The following CANX variants were observed in gnomAD, a reference collection of about 807,000 sequenced individuals.
The protein encoded by CANX is epididymis secretory sperm binding protein.
A neutral mutation model predicts 75.7 loss-of-function variants in CANX; 14 were observed. The observed-to-expected ratio is 0.19, with a 90% CI of 0.12 to 0.29. The LOEUF (loss-of-function observed/expected upper bound fraction) is 0.29. Ranked by LOEUF, CANX falls within the 10% of genes least tolerant of loss-of-function variation. The pLI is 1.00. For synonymous variants in CANX, 227 were observed against 236.9 expected (o/e 0.96, Z 0.38); for missense variants, 567 against 713.2 (o/e 0.79, Z 2.34).
At chr5:179,698,892 C>CT, upstream of CANX, 1 of 1,152,252 alleles carries the variant, frequency 8.7e-7, no homozygotes, top group East Asian at 7.3e-5. Context: ...CGGGACTTGG[C>CT]GCCGGCTGTG....
intron 1 of CANX, chr5:179,679,365 G>T (rs1468584371): frequency 4.7e-6 from 5 of 1,062,668 alleles, no homozygotes; most frequent in Admixed American, 2.9e-5. Context: ...TACGGCTGCG[G>T]CTGTGTCTCA....
At position 179,691,660 on chromosome 5, in the gene CANX, G is replaced by C. The variant is rs78700978; in HGVS notation, c.-4+12883G>C. 2.9e-3 allele frequency among the ~76,000 whole-genome samples: 443 copies of C among 152,274 alleles called. 6 individuals carry two copies. Among genetic ancestry groups the C allele is most frequent in the African/African-American group, 0.01 (426 of 41,562 alleles). ...AGCCACTACACTGCAATCCCAGCTC[G>C]GGATAGCATGAGGCGAGGCAGTACT... On this transcript the variant is annotated intron_variant, in intron 1 of 14. Transcript: ENST00000681674.
Position 179,709,052 on chromosome 5 carries a change from T to G in CANX, c.521T>G (p.Leu174Arg), listed in dbSNP as rs143726426. 1.9e-6 allele frequency: 3 copies of G among 1,568,190 alleles called. No homozygotes were observed. In the African/African-American group the frequency reaches 4.1e-5, roughly 21 times the overall value. Residue 174 changes from leucine to arginine, a missense_variant, in exon 6 of 15, where the codon CTC becomes CGC. This residue lies in a region of CANX where 351 missense variants were observed against 433.8 expected (regional missense o/e 0.81). Coordinates refer to ENST00000247461, the MANE Select transcript of CANX (RefSeq NM_001746.4). ...AAACTGCTTTCTAAAACACCAGAAC[T>G]CAACCTGGTATGTAATTCCCATTTC... ...YVKLLSKTPE[L>R]NLDQFHDKTP...
chr5:179,694,116 C>T (rs1281262105), upstream of CANX: 1 of 170,680 alleles, frequency 5.9e-6, no homozygotes, highest in African/African-American at 2.7e-5. Flanking sequence ...TGCACTCCAG[C>T]CTGGGCAACA....
intron 14 of CANX, 92 bp downstream of exon 14, chr5:179,726,851 A>G (rs1778707229): frequency 7.7e-6 from 7 of 913,744 alleles, no homozygotes; most frequent in African/African-American, 1.7e-5. Flanking sequence ...ACAGTGGCTT[A>G]TGGCAGTAAA....
At chr5:179,710,305 C>T (rs1030708919) in intron 7 of CANX, among the ~76,000 whole-genome samples, 5 of 151,334 alleles carry the variant, frequency 3.3e-5, no homozygotes, top group Non-Finnish European at 5.9e-5. Context: ...CGCCTGTAAC[C>T]GAAGCTAGTT....
chr5:179,726,719 C>T lies in CANX; in HGVS notation c.1685C>T (p.Thr562Ile), dbSNP rs760563367. ...QKSDAEEDGG[T>I]VSQEEEDRKP... ...AGTGATGCTGAAGAAGATGGTGGCA[C>T]TGTCAGTCAAGAGGAGGAAGACAGA... Residue 562 changes from threonine (T) to isoleucine (I), a missense_variant, in exon 14 of 15, where the codon ACT (threonine) becomes ATT (isoleucine). Physicochemically the swap from Thr to Ile is moderately conservative, Grantham distance 89. Around this residue, in one of 3 missense-constraint regions of CANX, gnomAD observed 167 missense variants for 179.3 expected, o/e 0.93. Coordinates refer to ENST00000247461, the MANE Select transcript of CANX (RefSeq NM_001746.4). The T allele has an allele frequency of 9.3e-6, 15 of 1,613,642 alleles. No homozygotes were observed.
chr5:179,719,685 C>G lies in CANX; in HGVS notation c.929C>G (p.Ala310Gly), dbSNP rs1438518619. 1 of 1,609,652 alleles carries G rather than the reference C, an allele frequency of 6.2e-7. No individual in the cohort carries two copies. The change falls in exon 9 of 15, where the codon GCT becomes GGT. Residue 310 changes from alanine to glycine, a missense_variant. Ala to Gly is a moderately conservative substitution (Grantham distance 60, BLOSUM62 0). Transcript: ENST00000247461. ...TATTTAAGGGATGAAGATGCCCCTGCTAAGATTCCAGATGAAGAGGCCACA... is the reference window on the plus strand; with the variant it reads ...TATTTAAGGGATGAAGATGCCCCTGGTAAGATTCCAGATGAAGAGGCCACA... ...KPDDWDEDAP[A>G]KIPDEEATKP... is the part of the protein sequence containing the mutation.
chr5:179,696,110 G>A (rs1776395848), upstream of CANX, among the ~76,000 whole-genome samples: 1 of 151,558 alleles, frequency 6.6e-6, no homozygotes, highest in Non-Finnish European at 1.5e-5. Flanking sequence ...TGTAGAGATG[G>A]GGTCTTGTCA....
intron 1 of CANX, among the ~76,000 whole-genome samples, chr5:179,688,127 G>A (rs1305032610): frequency 2.0e-5 from 3 of 149,118 alleles, no homozygotes; most frequent in Admixed American, 6.7e-5. Context: ...GCACGATCTC[G>A]GCTCACTGCA....
intron 1 of CANX, among the ~76,000 whole-genome samples, chr5:179,680,340 C>T (rs1269279951): frequency 6.6e-6 from 1 of 152,104 alleles, no homozygotes; most frequent in East Asian, 1.9e-4. Context: ...TCTAGCATAG[C>T]CAACAGCATT....
At chr5:179,681,944 T>TAAA (rs58981244) in intron 1 of CANX, among the ~76,000 whole-genome samples, 1 of 125,360 alleles carries the variant, frequency 8.0e-6, no homozygotes, top group African/African-American at 3.1e-5. Context: ...ACCCTGTGTT[T>TAAA]AAAAAAAAAA....
intron 4 of CANX, 71 bp from the exon 5 acceptor site, chr5:179,708,168 G>T (rs559448398): frequency 2.3e-6 from 3 of 1,311,418 alleles, no homozygotes; most frequent in Non-Finnish European, 3.3e-6. Flanking sequence ...ACTAGGAGGT[G>T]TTTTTTTTGG....
chr5:179,692,810 G>A (rs1776320654), intron 1 of CANX, among the ~76,000 whole-genome samples: 1 of 152,138 alleles, frequency 6.6e-6, no homozygotes, highest in South Asian at 2.1e-4. Flanking sequence ...GCCATCGCAT[G>A]AGCACATAGT....
chr5:179,679,163 C>A (rs1261689542), intron 1 of CANX: 5 of 1,535,280 alleles, frequency 3.3e-6, no homozygotes, highest in Non-Finnish European at 4.4e-6. Context: ...GTAGGGCACG[C>A]AGGTGCTCGA....
chr5:179,688,749 G>A (rs191014251), intron 1 of CANX, among the ~76,000 whole-genome samples: 359 of 151,878 alleles, frequency 2.4e-3, no homozygotes, highest in Admixed American at 4.1e-3. Context: ...GGGAGGCTGA[G>A]GCAGGTGGAT....
chr5:179,678,862 C>T, intron 1 of CANX: 3 of 1,536,496 alleles, frequency 2.0e-6, no homozygotes, highest in Non-Finnish European at 1.7e-6. Context: ...AGAGCAGCGG[C>T]GACCGCGTCC....
At chr5:179,701,733 G>T (rs1581839679) in intron 1 of CANX, among the ~76,000 whole-genome samples, 6 of 40,848 alleles carry the variant, frequency 1.5e-4, no homozygotes, top group Non-Finnish European at 3.5e-4. Flanking sequence ...TCCAACAGAT[G>T]TACTTTTTTT....
intron 1 of CANX, chr5:179,701,057 G>C (rs984116198): frequency 6.6e-6 from 1 of 151,914 alleles, no homozygotes; most frequent in African/African-American, 2.4e-5. Flanking sequence ...TAGTAGAGAC[G>C]GGGTTTCACC....
Sources: gnomAD v4.1 joint callset for allele counts (sites outside exome capture counted in the v4.1 genomes callset) on GRCh38, gnomAD v4.1.1 for gene constraint, gnomAD v4.1.1 regional missense constraint, MANE v1.5 for transcripts, NCBI Gene and HGNC (gene_info 2026-07-23, HGNC 2026-07-21) for gene names.